Variants in FBXW4 observed in about 807,000 individuals in gnomAD.
The protein encoded by FBXW4 is F-box/WD repeat-containing protein 4.
FBXW4 carries 40 observed loss-of-function variants against 61.8 expected under a neutral mutation model. The observed-to-expected ratio is 0.65, with a 90% CI of 0.50 to 0.84. FBXW4 has a LOEUF of 0.84. Among genes scored for constraint, FBXW4 ranks in the 40% least tolerant of loss-of-function variants. FBXW4 has a pLI of 0.00. For missense variants in FBXW4, 672 were observed against 753.8 expected, an observed-to-expected ratio of 0.89 and a Z score of 1.27; for synonymous variants, 311 against 313.8, an observed-to-expected ratio of 0.99 and a Z score of 0.10.
At chr10:101,625,719 C>G (rs1171293020) in intron 5 of FBXW4, 2 of 152,218 alleles carry the variant, frequency 1.3e-5, no homozygotes, top group African/African-American at 2.4e-5. Flanking sequence ...AGAGGGGAAG[C>G]CTTCAGGAAA....
intron 5 of FBXW4, among the ~76,000 whole-genome samples, chr10:101,664,634 G>A (rs2064281061): frequency 6.6e-6 from 1 of 152,186 alleles, no homozygotes; most frequent in African/African-American, 2.4e-5. Context: ...CAAAAGAGCA[G>A]GGAAACTTCC....
chr10:101,649,197 G>C (rs762470344), intron 5 of FBXW4, among the ~76,000 whole-genome samples: 1 of 152,108 alleles, frequency 6.6e-6, no homozygotes, highest in Non-Finnish European at 1.5e-5. Flanking sequence ...ACCCCCTATA[G>C]ATACATCTAA....
rs751272852 is a variant in FBXW4 at position 101,679,608 on chromosome 10, A to G, written c.726-3172T>C. Among the ~76,000 whole-genome samples, 57 of 152,268 alleles carry G rather than the reference A, an allele frequency of 3.7e-4. 1 individual carries two copies. Among genetic ancestry groups the G allele is most frequent in the Non-Finnish European group, 1.2e-4 (8 of 68,046 alleles). On this transcript the variant is annotated intron_variant, in intron 1 of 8. Transcript: ENST00000331272. ...AAGGAGAGAGGGAATAAGAATATGC[A>G]TGGCTAGAAAGAACACTGGAAGGAT...
At chr10:101,647,265 G>A (rs779763429) in intron 5 of FBXW4, among the ~76,000 whole-genome samples, 14 of 152,182 alleles carry the variant, frequency 9.2e-5, no homozygotes, top group East Asian at 5.8e-4. Flanking sequence ...CCCACAGGTC[G>A]TTCTGCCCCC....
intron 5 of FBXW4, among the ~76,000 whole-genome samples, chr10:101,665,526 A>T (rs947037105): frequency 1.3e-5 from 2 of 152,202 alleles, no homozygotes; most frequent in African/African-American, 4.8e-5. Context: ...ACCAAAGATG[A>T]GACACATCGA....
chr10:101,613,995 G>A (rs2063808112), intron 6 of FBXW4, among the ~76,000 whole-genome samples: 1 of 152,234 alleles, frequency 6.6e-6, no homozygotes, highest in Admixed American at 6.5e-5. Context: ...ATCCCTTAGA[G>A]ACTGCTAACC....
Position 101,676,382 on chromosome 10 carries a change from C to G in FBXW4, c.780G>C (p.Leu260=). 2 of 1,613,872 alleles carry G rather than the reference C, an allele frequency of 1.2e-6. No homozygotes were observed. The highest frequency in any genetic ancestry group is 2.2e-5 in the South Asian group (2 of 91,014). ...ERVKVSQNWR[L]GRCREGILLK... ...GCAGAATCCCCTCTCGGCAGCGCCCCAGTCTCCAGTTCTGAGACACCTTCA... is the reference window on the plus strand; with the variant it reads ...GCAGAATCCCCTCTCGGCAGCGCCCGAGTCTCCAGTTCTGAGACACCTTCA... The change falls in exon 2 of 9, where the codon CTG becomes CTC. Residue 260 remains leucine, a synonymous_variant. Transcript: ENST00000331272.
chr10:101,675,704 C>A (rs903813226), intron 2 of FBXW4, among the ~76,000 whole-genome samples: 1 of 152,218 alleles, frequency 6.6e-6, no homozygotes, highest in Non-Finnish European at 1.5e-5. Context: ...AACCAATCAA[C>A]AAGGAGCAAT....
intron 5 of FBXW4, among the ~76,000 whole-genome samples, chr10:101,662,798 C>A (rs191222993): frequency 4.5e-4 from 68 of 152,202 alleles, no homozygotes; most frequent in Admixed American, 3.0e-3. Context: ...CACCACATGC[C>A]CCCCATGGGT....
chr10:101,651,580 G>T (rs560008345), intron 5 of FBXW4, among the ~76,000 whole-genome samples: 1 of 152,052 alleles, frequency 6.6e-6, no homozygotes, highest in Admixed American at 6.6e-5. Flanking sequence ...GATGAGTTAG[G>T]GACAAAAATG....
At chr10:101,680,109 T>C (rs767645171) in intron 1 of FBXW4, among the ~76,000 whole-genome samples, 3 of 152,146 alleles carry the variant, frequency 2.0e-5, no homozygotes, top group Non-Finnish European at 4.4e-5. Context: ...CTGATTAAAA[T>C]AGTAATAATA....
chr10:101,611,727 C>T lies in FBXW4; in HGVS notation c.1485G>A (p.Leu495=), dbSNP rs1167688780. ...MEWEEPHDST[L]YCLQTDGNHL... is the part of the protein sequence containing the mutation. Reference sequence around the variant, plus strand: ...GGTTGCCATCTGTCTGCAGGCAGTACAGGGTGCTGTCGTGGGGCTCCTCCC... The same window carrying T: ...GGTTGCCATCTGTCTGCAGGCAGTATAGGGTGCTGTCGTGGGGCTCCTCCC... The change falls in exon 8 of 9, where the codon CTG becomes CTA. Residue 495 remains leucine (L), a synonymous_variant. Coordinates refer to ENST00000331272, the MANE Select transcript of FBXW4 (RefSeq NM_022039.4). This position sits in a 1 kb window ranked among gnomAD's most constrained non-coding sequence, Gnocchi z 4.9. 4 of 1,614,072 alleles carry T rather than the reference C, an allele frequency of 2.5e-6. No individual in the cohort carries two copies. Among genetic ancestry groups the T allele is most frequent in the Non-Finnish European group, 3.4e-6 (4 of 1,180,044 alleles).
At chr10:101,631,670 T>C (rs931721744) in intron 5 of FBXW4, among the ~76,000 whole-genome samples, 7 of 151,098 alleles carry the variant, frequency 4.6e-5, no homozygotes, top group South Asian at 2.1e-4. Flanking sequence ...CTCTGTCGCC[T>C]AGGCTGGAGT....
intron 1 of FBXW4, among the ~76,000 whole-genome samples, chr10:101,686,777 T>C (rs2064538047): frequency 6.6e-6 from 1 of 152,126 alleles, no homozygotes; most frequent in East Asian, 1.9e-4. Context: ...ATGAGGAGAA[T>C]ATGAACCAGA....
At chr10:101,651,516 T>C (rs1049494265) in intron 5 of FBXW4, among the ~76,000 whole-genome samples, 8 of 152,088 alleles carry the variant, frequency 5.3e-5, no homozygotes, top group African/African-American at 1.9e-4. Flanking sequence ...AAACAATCAT[T>C]TTTTTCTTTT....
At chr10:101,620,099 G>C (rs752232668) in intron 6 of FBXW4, among the ~76,000 whole-genome samples, 7 of 152,144 alleles carry the variant, frequency 4.6e-5, no homozygotes, top group Admixed American at 1.3e-4. Flanking sequence ...ATACATAAAA[G>C]AGAAAATCCA....
intron 5 of FBXW4, among the ~76,000 whole-genome samples, chr10:101,665,765 A>G (rs1438231156): frequency 6.6e-6 from 1 of 152,222 alleles, no homozygotes; most frequent in Non-Finnish European, 1.5e-5. Context: ...ACCATCTTCA[A>G]TAGTTGTTGT....
chr10:101,611,553 AC>A lies in FBXW4; in HGVS notation c.1584+74del. Reference sequence around the variant, plus strand: ...ACCCTTTCTAGGCACGTCCTTGGCTACCTCACCCTCTCCCAAATGCAGCCCA... The same window carrying A: ...ACCCTTTCTAGGCACGTCCTTGGCTACTCACCCTCTCCCAAATGCAGCCCA... On this transcript the variant is annotated intron_variant, in intron 8 of 8. Transcript: ENST00000331272. The surrounding 1 kb of genome is among the most constrained non-coding windows in gnomAD (Gnocchi z 4.9). 1 of 1,588,322 alleles carries A rather than the reference AC, an allele frequency of 6.3e-7. No homozygotes were observed. The highest frequency in any genetic ancestry group is 8.6e-7 in the Non-Finnish European group (1 of 1,163,290).
chr10:101,643,263 A>T lies in FBXW4; in HGVS notation c.1236-18453T>A, dbSNP rs552020984. 3.9e-5 allele frequency among the ~76,000 whole-genome samples: 6 copies of T among 152,352 alleles called. No individual in the cohort carries two copies. The South Asian group carries it at 1.0e-3, about 26-fold the overall frequency. ...ACATCACTCCTAGCCCAGGCCCAGTAGGTGGCTGCTGGCCATTGAGCCTTC... is the reference window on the plus strand; with the variant it reads ...ACATCACTCCTAGCCCAGGCCCAGTTGGTGGCTGCTGGCCATTGAGCCTTC... On this transcript the variant is annotated intron_variant, in intron 5 of 8. Coordinates refer to ENST00000331272, the MANE Select transcript of FBXW4 (RefSeq NM_022039.4).
Sources: allele counts gnomAD v4.1 joint callset (sites outside exome capture counted in the v4.1 genomes callset), GRCh38; gene constraint gnomAD v4.1.1; non-coding constraint Gnocchi (gnomAD v3.1); transcripts MANE v1.5; gene names NCBI Gene and HGNC (gene_info 2026-07-23, HGNC 2026-07-21).